The following CD164 variants were observed in gnomAD, a reference collection of about 807,000 sequenced individuals.
The protein encoded by CD164 is sialomucin core protein 24.
A neutral mutation model predicts 24.6 loss-of-function variants in CD164; 11 were observed. That is an observed-to-expected ratio of 0.45 (90% CI 0.28 to 0.74). The LOEUF (loss-of-function observed/expected upper bound fraction) is 0.74, where lower values mean the gene tolerates loss of function less well. CD164 is among the 30% of genes least tolerant of loss of function. CD164 has a pLI of 0.13. For missense variants in CD164, 295 were observed against 243.7 expected (o/e 1.21, Z -1.40); for synonymous variants, 126 against 100.3 (o/e 1.26, Z -1.53).
chr6:109,382,148 G>A (rs979239115), intron 1 of CD164, 56 bp downstream of exon 1: 6 of 1,375,566 alleles, frequency 4.4e-6, no homozygotes, highest in Non-Finnish European at 5.7e-6. Flanking sequence ...CGGCGAGGAG[G>A]CAGTGCGGCT....
intron 3 of CD164, 104 bp from the exon 4 acceptor site, chr6:109,376,216 C>T (rs1004745481): frequency 4.4e-6 from 3 of 678,880 alleles, no homozygotes; most frequent in African/African-American, 1.9e-5. Context: ...GTACTTTTCA[C>T]AATTTTTACA....
rs1197321229 is a variant in CD164, at chr6:109,368,636, G to T, written c.*215C>A. On this transcript the variant is annotated 3_prime_UTR_variant, in exon 6 of 6. Coordinates refer to ENST00000310786, the MANE Select transcript of CD164 (RefSeq NM_006016.6). ...GCTATTTAAAATAAGACAGCCACAG[G>T]ATTCATGCAGAATATTTTAAATATT... 9.6e-6 allele frequency: 13 copies of T among 1,360,880 alleles called. No individual in the cohort carries two copies. The highest frequency in any genetic ancestry group is 1.5e-5 in the African/African-American group (1 of 66,746). The allele number at this position is 1,360,880 out of a possible 1,614,324, so 84.3% of individuals were successfully genotyped here.
intron 3 of CD164, among the ~76,000 whole-genome samples, chr6:109,376,464 C>A (rs372759409): frequency 9.2e-5 from 14 of 152,206 alleles, no homozygotes; most frequent in African/African-American, 3.4e-4. Flanking sequence ...AATGTGATGG[C>A]TGGAACATAA....
rs1316987934 is a variant in CD164, at chr6:109,382,280, C to A, written c.99G>T (p.Val33=). The A allele has an allele frequency of 3.1e-6, 5 of 1,588,134 alleles. No homozygotes were observed. The highest frequency in any genetic ancestry group is 1.7e-4 in the Middle Eastern group (1 of 6,018). The change falls in exon 1 of 6, where the codon GTG becomes GTT. Residue 33 remains valine (V), a synonymous_variant. Coordinates refer to ENST00000310786, the MANE Select transcript of CD164 (RefSeq NM_006016.6). ...ADKNTTQHPN[V]TTLAPISNVT... ...CGTTGGAGATGGGCGCTAAAGTCGT[C>A]ACGTTCGGGTGCTGGGTCGTGTTCT... is the stretch of plus-strand genomic sequence containing the variant.
In CD164 at chr6:109,369,617, G is replaced by A. The variant is rs540245238; in HGVS notation, c.428-600C>T. ...TGTTTCAAGAGGAAACAGAAAAAGC[G>A]ATTTCCATTTAAAATAATCTAAGAA... On this transcript the variant is annotated intron_variant, in intron 5 of 5. Transcript: ENST00000310786. 9.2e-5 allele frequency among the ~76,000 whole-genome samples: 14 copies of A among 152,268 alleles called. No individual in the cohort carries two copies. The South Asian group carries it at 2.9e-3, about 32-fold the overall frequency.
At chr6:109,370,312 A>C in intron 5 of CD164, 99 bp downstream of exon 5, 1 of 927,156 alleles carries the variant, frequency 1.1e-6, no homozygotes, top group Non-Finnish European at 1.7e-6. Flanking sequence ...CAGTTCCATA[A>C]CCATTAACGA....
chr6:109,369,096 T>C (rs958506661), intron 5 of CD164, 79 bp from the exon 6 acceptor site: 2 of 1,241,306 alleles, frequency 1.6e-6, no homozygotes, highest in African/African-American at 3.1e-5. Context: ...CCTGAGCCTC[T>C]ATTTTGCCAT....
At position 109,369,018 on chromosome 6, in the gene CD164, CTGTTAGA is replaced by C; in HGVS notation, c.428-8_428-2del. On this transcript the variant is annotated splice_acceptor_variant and splice_polypyrimidine_tract_variant and intron_variant, in intron 5 of 5. Transcript: ENST00000310786. LOFTEE classifies it high-confidence loss of function. ...GGAGTCACAGTGTTATTTGTTGTACCTGTTAGATAAGACAAAAGAAACAACAATCCTA... is the reference window on the plus strand; with the variant it reads ...GGAGTCACAGTGTTATTTGTTGTACCTAAGACAAAAGAAACAACAATCCTA... The C allele has an allele frequency of 6.2e-7, 1 of 1,607,040 alleles. No individual in the cohort carries two copies. Among genetic ancestry groups the C allele is most frequent in the Non-Finnish European group, 8.5e-7 (1 of 1,177,828 alleles).
chr6:109,378,269 T>C (rs1341461325), intron 2 of CD164, among the ~76,000 whole-genome samples: 1 of 152,154 alleles, frequency 6.6e-6, no homozygotes, highest in Non-Finnish European at 1.5e-5. Context: ...GGAAGACTAC[T>C]GTACAATCAA....
Position 109,367,541 on chromosome 6 carries a change from G to A in CD164, c.*1310C>T, listed in dbSNP as rs1770829922. On this transcript the variant is annotated 3_prime_UTR_variant, in exon 6 of 6. Transcript: ENST00000310786. ...TAAAACTGAAGACGACCCTCTAAAG[G>A]AGAAAACTATAGAAGTTAAAGTATG... is the stretch of plus-strand genomic sequence containing the variant. The A allele has an allele frequency of 6.6e-6, 1 of 152,460 alleles. No individual in the cohort carries two copies. The highest frequency in any genetic ancestry group is 1.5e-5 in the Non-Finnish European group (1 of 67,986). 9.4% of individuals were successfully genotyped at this position (152,460 alleles called of 1,614,324 possible).
intron 3 of CD164, among the ~76,000 whole-genome samples, chr6:109,376,594 G>A (rs117098291): frequency 0.01 from 1,571 of 152,320 alleles, 13 homozygotes; most frequent in Admixed American, 0.015. Flanking sequence ...TCCTTTACAT[G>A]AGAGAAAAGT....
intron 1 of CD164, 87 bp downstream of exon 1, chr6:109,382,117 C>G (rs1281285432): frequency 5.8e-6 from 7 of 1,211,582 alleles, no homozygotes; most frequent in East Asian, 6.4e-5. Flanking sequence ...GACCGTGGCC[C>G]GAACCCGGGC....
At position 109,368,240 on chromosome 6, in the gene CD164, T is replaced by C; in HGVS notation, c.*611A>G. The C allele has an allele frequency of 6.6e-7, 1 of 1,511,390 alleles. No homozygotes were observed. Among genetic ancestry groups the C allele is most frequent in the Non-Finnish European group, 8.9e-7 (1 of 1,123,740 alleles). The allele number at this position is 1,511,390 out of a possible 1,614,324, so 93.6% of individuals were successfully genotyped here. A position where few individuals can be genotyped will look rare whatever the true frequency, so the allele number is the denominator to read the frequency against. ...TCAATGACATAAGATGCTTTACAAG[T>C]ATGAACAATAATCTGTTATACACAC... On this transcript the variant is annotated 3_prime_UTR_variant, in exon 6 of 6. Coordinates refer to ENST00000310786, the MANE Select transcript of CD164 (RefSeq NM_006016.6).
In CD164 at chr6:109,379,674, G is replaced by A. The variant is rs551697941; in HGVS notation, c.176-12C>T. On this transcript the variant is annotated splice_polypyrimidine_tract_variant and intron_variant, in intron 1 of 5. Transcript: ENST00000310786. ...ACCTTCACAGGTTTCTGGGGAGTTG[G>A]GGGGAGAGATGCATGAAATCAATGA... 9 of 1,601,410 alleles carry A rather than the reference G, an allele frequency of 5.6e-6. No individual in the cohort carries two copies. The highest frequency in any genetic ancestry group is 2.2e-5 in the South Asian group (2 of 89,238).
chr6:109,381,078 TC>T (rs1179083643), intron 1 of CD164, among the ~76,000 whole-genome samples: 1 of 152,256 alleles, frequency 6.6e-6, no homozygotes, highest in East Asian at 1.9e-4. Context: ...TCGGCATTCT[TC>T]GGTCAAGAAG....
rs141173026 is a variant in CD164, at chr6:109,374,567, A to G, written c.370+1507T>C. On this transcript the variant is annotated intron_variant, in intron 4 of 5. Coordinates refer to ENST00000310786, the MANE Select transcript of CD164 (RefSeq NM_006016.6). ...TCCAATCTACTCTCCACAATGCCAG[A>G]ATAAGTTGTTTTATTAAAATGCAAG... Among the ~76,000 whole-genome samples, 314 of 152,302 alleles carry G rather than the reference A, an allele frequency of 2.1e-3. 3 individuals carry two copies. Among genetic ancestry groups the G allele is most frequent in the African/African-American group, 7.0e-3 (292 of 41,550 alleles).
At chr6:109,369,113 A>T in intron 5 of CD164, 96 bp from the exon 6 acceptor site, 1 of 1,047,994 alleles carries the variant, frequency 9.5e-7, no homozygotes, top group Non-Finnish European at 1.4e-6. Flanking sequence ...CCATGTGTTA[A>T]ATTCTATAAA....
At chr6:109,376,295 G>A (rs1771404415) in intron 3 of CD164, among the ~76,000 whole-genome samples, 183 bp from the exon 4 acceptor site, 1 of 152,106 alleles carries the variant, frequency 6.6e-6, no homozygotes, top group African/African-American at 2.4e-5. Context: ...TTTAGAAATA[G>A]AATCACCAAT....
intron 1 of CD164, chr6:109,381,607 G>T: frequency 1.4e-6 from 1 of 702,378 alleles, no homozygotes; most frequent in Middle Eastern, 2.3e-4. Context: ...CACTAACTAC[G>T]TGCTCAAACG....
Sources: gnomAD v4.1 joint callset for allele counts (sites outside exome capture counted in the v4.1 genomes callset) on GRCh38, gnomAD v4.1.1 for gene constraint, MANE v1.5 for transcripts, NCBI Gene and HGNC (gene_info 2026-07-23, HGNC 2026-07-21) for gene names.